MAP7: variants seen among roughly 807,000 people sequenced by gnomAD.
The protein encoded by MAP7 is microtubule associated protein 7, also known as ensconsin.
In MAP7, 52 loss-of-function variants were observed where a neutral mutation model predicts 94.8. The observed-to-expected ratio is 0.55, with a 90% CI of 0.44 to 0.69. The LOEUF is 0.69. Ranked by LOEUF, MAP7 falls within the 30% of genes least tolerant of loss-of-function variation. The pLI is 0.00. For missense variants in MAP7, 940 were observed against 964.6 expected, an observed-to-expected ratio of 0.97 and a Z score of 0.34; for synonymous variants, 350 against 357.0, an observed-to-expected ratio of 0.98 and a Z score of 0.22.
At chr6:136,360,098 C>T in intron 13 of MAP7, 67 bp from the exon 14 acceptor site, 1 of 1,189,762 alleles carries the variant, frequency 8.4e-7, no homozygotes, top group Non-Finnish European at 1.2e-6. Context: ...GCATATTTAA[C>T]TGATGAAATA....
chr6:136,355,115 C>A (rs1355588668), intron 16 of MAP7, among the ~76,000 whole-genome samples: 1 of 151,968 alleles, frequency 6.6e-6, no homozygotes, highest in Non-Finnish European at 1.5e-5. Flanking sequence ...GTGGAGGTTG[C>A]AGTGAGCCAA....
At position 136,360,812 on chromosome 6, in the gene MAP7, G is replaced by A; in HGVS notation, c.1702-14C>T. The A allele has an allele frequency of 6.2e-7, 1 of 1,612,530 alleles. No individual in the cohort carries two copies. The highest frequency in any genetic ancestry group is 8.5e-7 in the Non-Finnish European group (1 of 1,179,490). On this transcript the variant is annotated splice_polypyrimidine_tract_variant and intron_variant, in intron 12 of 17. Coordinates refer to ENST00000354570, the MANE Select transcript of MAP7 (RefSeq NM_003980.6). ...TTCTTCTTCTTTCTGAAAACAGAAG[G>A]TCGGCGTCTGCCTCTGACAAACAGG...
chr6:136,407,608 G>C (rs1786028045), intron 3 of MAP7, among the ~76,000 whole-genome samples: 1 of 152,308 alleles, frequency 6.6e-6, no homozygotes, highest in African/African-American at 2.4e-5. Context: ...TTCAGGGTTA[G>C]AGTATGTCAA....
intron 1 of MAP7, among the ~76,000 whole-genome samples, chr6:136,504,405 G>C (rs1302105075): frequency 6.6e-6 from 1 of 151,992 alleles, no homozygotes; most frequent in African/African-American, 2.4e-5. Context: ...CTGGAGTGCA[G>C]TGGTGCAATC....
intron 1 of MAP7, among the ~76,000 whole-genome samples, chr6:136,523,702 G>A (rs984016179): frequency 6.6e-6 from 1 of 152,092 alleles, no homozygotes; most frequent in African/African-American, 2.4e-5. Context: ...TTTTCTCCCA[G>A]TATTCCTCCA....
In MAP7 at chr6:136,365,890, T is replaced by C. The variant is rs771846451; in HGVS notation, c.1118A>G (p.Lys373Arg). ...CTCAGGCTCCACTTTGACTTCCCTC[T>C]TGACAGGGCGGATGTTGCCGGGGGA... Reference protein sequence around the residue: ...PPSPGNIRPVKREVKVEPEKK... With the variant: ...PPSPGNIRPVRREVKVEPEKK... Residue 373 changes from lysine to arginine, a missense_variant, in exon 10 of 18, where the codon AAG (lysine) becomes AGG (arginine). Coordinates refer to ENST00000354570, the MANE Select transcript of MAP7 (RefSeq NM_003980.6). The C allele has an allele frequency of 6.2e-7, 1 of 1,614,158 alleles. No homozygotes were observed. The highest frequency in any genetic ancestry group is 8.5e-7 in the Non-Finnish European group (1 of 1,180,020).
At chr6:136,495,124 A>T (rs1817799088) in intron 1 of MAP7, among the ~76,000 whole-genome samples, 1 of 152,198 alleles carries the variant, frequency 6.6e-6, no homozygotes, top group South Asian at 2.1e-4. Flanking sequence ...TTCTACCTAT[A>T]GCCAGCACCT....
intron 1 of MAP7, among the ~76,000 whole-genome samples, chr6:136,495,040 A>G (rs1817773746): frequency 6.6e-6 from 1 of 152,158 alleles, no homozygotes; most frequent in Non-Finnish European, 1.5e-5. Flanking sequence ...CTCAAAACAC[A>G]AAATGAGGCC....
chr6:136,451,936 C>T (rs1335697716), intron 1 of MAP7, among the ~76,000 whole-genome samples: 3 of 152,188 alleles, frequency 2.0e-5, no homozygotes, highest in African/African-American at 4.8e-5. Flanking sequence ...GTGGCTCACG[C>T]CTGTAATCCC....
intron 8 of MAP7, among the ~76,000 whole-genome samples, chr6:136,370,310 T>C (rs866709596): frequency 2.0e-4 from 31 of 152,202 alleles, no homozygotes; most frequent in African/African-American, 7.2e-4. Context: ...CTTTGTGCAC[T>C]GTTAGTGGGA....
intron 1 of MAP7, among the ~76,000 whole-genome samples, chr6:136,462,764 C>A (rs1371326985): frequency 6.6e-6 from 1 of 151,872 alleles, no homozygotes; most frequent in African/African-American, 2.4e-5. Context: ...GAGTGTGAGA[C>A]AAGCCTGGAC....
At chr6:136,449,034 C>T (rs1025697403) in intron 1 of MAP7, among the ~76,000 whole-genome samples, 1 of 148,146 alleles carries the variant, frequency 6.8e-6, no homozygotes, top group Non-Finnish European at 1.5e-5. Context: ...GCAAGCCAGG[C>T]ACAGTGGCTC....
chr6:136,536,202 C>T (rs1482239944), intron 1 of MAP7, among the ~76,000 whole-genome samples: 9 of 152,028 alleles, frequency 5.9e-5, no homozygotes, highest in Admixed American at 6.6e-5. Flanking sequence ...TATTAATTTC[C>T]AAGAAGTAGA....
intron 16 of MAP7, among the ~76,000 whole-genome samples, chr6:136,347,497 C>T (rs1017333535): frequency 2.6e-5 from 4 of 152,140 alleles, no homozygotes; most frequent in African/African-American, 9.7e-5. Flanking sequence ...CTTCTGCCTC[C>T]TGGGTTAAAG....
chr6:136,413,180 T>C (rs1293657883), intron 2 of MAP7, among the ~76,000 whole-genome samples: 1 of 150,306 alleles, frequency 6.7e-6, no homozygotes, highest in African/African-American at 2.4e-5. Flanking sequence ...GAAAAAAGAA[T>C]TGACATTGAC....
intron 1 of MAP7, among the ~76,000 whole-genome samples, chr6:136,518,725 C>T (rs750493556): frequency 2.0e-5 from 3 of 152,070 alleles, no homozygotes; most frequent in South Asian, 2.1e-4. Flanking sequence ...TCTGTAACAA[C>T]GAATTAAAGT....
chr6:136,483,129 C>CAAAAA (rs57320038), intron 1 of MAP7, among the ~76,000 whole-genome samples: 162 of 82,446 alleles, frequency 2.0e-3, no homozygotes, highest in Non-Finnish European at 2.9e-3. Context: ...AAGTATCTTT[C>CAAAAA]AAAAAAAAAA....
At chr6:136,456,767 G>GGAGGAGGAGGAAGAAGAAGAA (rs1179338276) in intron 1 of MAP7, among the ~76,000 whole-genome samples, 1 of 60,520 alleles carries the variant, frequency 1.7e-5, no homozygotes, top group Non-Finnish European at 3.1e-5. Context: ...AGGAGGAGGA[G>GGAGGAGGAGGAAGAAGAAGAA]GAAGAAGAAG....
chr6:136,487,992 C>T lies in MAP7; in HGVS notation c.67+62350G>A, dbSNP rs112687013. Among the ~76,000 whole-genome samples the T allele has an allele frequency of 3.7e-4, 57 of 152,252 alleles. 1 individual carries two copies. Among genetic ancestry groups the T allele is most frequent in the African/African-American group, 1.3e-3 (52 of 41,548 alleles). On this transcript the variant is annotated intron_variant, in intron 1 of 17. Transcript: ENST00000354570. ...AAATTTCAAAAGGACAGTATTATTGCGAAAGGGCGGCTTATGCTTTATTTA... is the reference window on the plus strand; with the variant it reads ...AAATTTCAAAAGGACAGTATTATTGTGAAAGGGCGGCTTATGCTTTATTTA...
Sources: gnomAD v4.1 joint callset for allele counts (sites outside exome capture counted in the v4.1 genomes callset) on GRCh38, gnomAD v4.1.1 for gene constraint, MANE v1.5 for transcripts, NCBI Gene and HGNC (gene_info 2026-07-23, HGNC 2026-07-21) for gene names.